The following GSE1 variants were observed in gnomAD, a reference collection of about 807,000 sequenced individuals.
The protein encoded by GSE1 is Gse1 coiled-coil protein, also known as genetic suppressor element 1.
A neutral mutation model predicts 112.6 loss-of-function variants in GSE1; 32 were observed. That is an observed-to-expected ratio of 0.28 (90% CI 0.21 to 0.38). The LOEUF (loss-of-function observed/expected upper bound fraction) is 0.38, where lower values mean the gene tolerates loss of function less well. GSE1 is among the 10% of genes least tolerant of loss of function. GSE1 has a pLI of 1.00. For synonymous variants in GSE1, 1,115 were observed against 735.6 expected, an observed-to-expected ratio of 1.52 and a Z score of -8.35; for missense variants, 2,348 against 1,699.2, an observed-to-expected ratio of 1.38 and a Z score of -6.71.
intron 1 of GSE1, among the ~76,000 whole-genome samples, chr16:85,346,593 G>T (rs923200183): frequency 2.2e-4 from 30 of 138,640 alleles, no homozygotes; most frequent in Non-Finnish European, 4.8e-5. Flanking sequence ...GTGATGGTGG[G>T]CAGATGGGTG....
chr16:85,252,494 G>A (rs1379437254), intron 1 of GSE1, among the ~76,000 whole-genome samples: 1 of 152,246 alleles, frequency 6.6e-6, no homozygotes, highest in African/African-American at 2.4e-5. Flanking sequence ...GAGCCCCTTG[G>A]GCACACCCAA....
At chr16:85,264,507 C>T (rs1472350683) in intron 1 of GSE1, among the ~76,000 whole-genome samples, 2 of 152,166 alleles carry the variant, frequency 1.3e-5, no homozygotes, top group Non-Finnish European at 2.9e-5. Flanking sequence ...GGCCGACTCT[C>T]CTCTGCACCT....
rs772458589 is a variant in GSE1 at position 85,655,956 on chromosome 16, C to T, written c.989+39C>T. On this transcript the variant is annotated intron_variant, in intron 6 of 15. Transcript: ENST00000253458. ...GAGCCGAGGAGCCCCTCTGCCCTCCCTGTCCCTTGATGGCAGCTGGGCAGA... is the reference window on the plus strand; with the variant it reads ...GAGCCGAGGAGCCCCTCTGCCCTCCTTGTCCCTTGATGGCAGCTGGGCAGA... 5.9e-6 allele frequency: 9 copies of T among 1,517,152 alleles called. No individual in the cohort carries two copies. The Middle Eastern group carries it at 7.3e-4, about 123-fold the overall frequency. The allele number at this position is 1,517,152 out of a possible 1,614,324, so 94.0% of individuals were successfully genotyped here.
Position 85,654,436 on chromosome 16 carries a change from C to T in GSE1, c.585C>T (p.Arg195=), listed in dbSNP as rs201470631. The change falls in exon 4 of 16, where the codon CGC becomes CGT. Residue 195 remains arginine (R), a synonymous_variant. Transcript: ENST00000253458. ...CCAGCTCAGTTGTGCAGGATTCCCGCTTCCCGCCACTCAAGTAAGTTGGTC... is the reference window on the plus strand; with the variant it reads ...CCAGCTCAGTTGTGCAGGATTCCCGTTTCCCGCCACTCAAGTAAGTTGGTC... ...LSPSSVVQDS[R]FPPLNLQRPV... The T allele has an allele frequency of 6.4e-7, 1 of 1,563,278 alleles. No homozygotes were observed. The highest frequency in any genetic ancestry group is 8.7e-7 in the Non-Finnish European group (1 of 1,152,936).
Position 85,390,423 on chromosome 16 carries a change from G to A in GSE1, c.2464+32780G>A, listed in dbSNP as rs78223580. Among the ~76,000 whole-genome samples, 787 of 152,226 alleles carry A rather than the reference G, an allele frequency of 5.2e-3. 5 individuals carry two copies. The highest frequency in any genetic ancestry group is 0.018 in the African/African-American group (756 of 41,520). ...GTGCCCCCCAGGGCTGTGCCTGGCC[G>A]GGGCAGCTAGTCCCCTTTGAGCCCT... is the stretch of plus-strand genomic sequence containing the variant. On this transcript the variant is annotated intron_variant, in intron 2 of 2. Transcript: ENST00000637419.
rs923152991 is a variant in GSE1, at chr16:85,648,565, C to T, written c.240C>T (p.Ser80=). 4 of 1,565,006 alleles carry T rather than the reference C, an allele frequency of 2.6e-6. No individual in the cohort carries two copies. Among genetic ancestry groups the T allele is most frequent in the Non-Finnish European group, 2.6e-6 (3 of 1,154,648 alleles). Reference sequence around the variant, plus strand: ...TCTCCTCCACAGGGTCCTCACTGAGCAGCGAGTCGTCCCCCGTGTCCTCTC... The same window carrying T: ...TCTCCTCCACAGGGTCCTCACTGAGTAGCGAGTCGTCCCCCGTGTCCTCTC... ...QAEEPRGSSL[S]SESSPVSSPA... is the part of the protein sequence containing the mutation. Residue 80 remains serine, a synonymous_variant, in exon 3 of 16, where the codon AGC becomes AGT. Transcript: ENST00000253458.
At chr16:85,194,331 A>G (rs1298593736) in intron 1 of GSE1, among the ~76,000 whole-genome samples, 1 of 152,150 alleles carries the variant, frequency 6.6e-6, no homozygotes, top group African/African-American at 2.4e-5. Context: ...TGGCTTAGGG[A>G]GGCCAGTGGA....
chr16:85,637,746 G>A (rs997685156), intron 2 of GSE1, among the ~76,000 whole-genome samples: 1 of 151,086 alleles, frequency 6.6e-6, no homozygotes, highest in East Asian at 1.9e-4. Context: ...CCTCCTCCCT[G>A]CAGAAAGGGA....
intron 2 of GSE1, among the ~76,000 whole-genome samples, chr16:85,539,690 G>A (rs147332509): frequency 2.6e-5 from 4 of 152,284 alleles, no homozygotes; most frequent in East Asian, 1.9e-4. Flanking sequence ...GACATGTCAC[G>A]TTGAAGGGAA....
chr16:85,642,405 G>A (rs2050516635), intron 2 of GSE1, among the ~76,000 whole-genome samples: 1 of 152,236 alleles, frequency 6.6e-6, no homozygotes, highest in Non-Finnish European at 1.5e-5. Flanking sequence ...GACACACAGG[G>A]TCCCCTGGGT....
chr16:85,456,631 T>TGTGTGTGTGTGTGTGC (rs2049836135), intron 2 of GSE1, among the ~76,000 whole-genome samples: 1 of 141,246 alleles, frequency 7.1e-6, no homozygotes, highest in Non-Finnish European at 1.5e-5. Flanking sequence ...TGTGTGTGTG[T>TGTGTGTGTGTGTGTGC]GTGTGTGTGG....
intron 2 of GSE1, among the ~76,000 whole-genome samples, chr16:85,525,101 C>G (rs553185118): frequency 6.6e-6 from 1 of 152,318 alleles, no homozygotes; most frequent in South Asian, 2.1e-4. Flanking sequence ...CGGGGGGTTT[C>G]GCCAGCCTCC....
intron 2 of GSE1, among the ~76,000 whole-genome samples, chr16:85,389,222 G>A (rs2151641007): frequency 6.6e-6 from 1 of 152,258 alleles, no homozygotes; most frequent in East Asian, 1.9e-4. Flanking sequence ...CACTTTGGGA[G>A]GCCAAGGCGG....
Position 85,661,487 on chromosome 16 carries a change from G to A in GSE1, c.1982G>A (p.Ser661Asn), listed in dbSNP as rs1355155805. The change falls in exon 9 of 16, where the codon AGC becomes AAC. Residue 661 changes from serine to asparagine, a missense_variant. Transcript: ENST00000253458. ...CCGCCGCCACCACGAGAGGGAGGGA[G>A]CCTGGAGCACCAGCCCTTCCTGCCC... ...PPPPPPREGGSLEHQPFLPGP... is the reference protein window; with the variant it reads ...PPPPPPREGGNLEHQPFLPGP... The A allele has an allele frequency of 1.9e-6, 3 of 1,611,812 alleles. No individual in the cohort carries two copies. In the South Asian group the frequency reaches 3.3e-5, roughly 18 times the overall value.
chr16:85,483,869 C>G lies in GSE1; in HGVS notation c.2464+126226C>G, dbSNP rs931315813. On this transcript the variant is annotated intron_variant, in intron 2 of 2. Coordinates refer to the GSE1 transcript ENST00000637419. ...GCTTGCAGTCCTCGGTGTACCGTCC[C>G]CTGCCAGCAGGCCTCTGGGCCCTGC... Among the ~76,000 whole-genome samples the G allele has an allele frequency of 2.6e-5, 4 of 152,232 alleles. No individual in the cohort carries two copies. In the South Asian group the frequency reaches 6.2e-4, roughly 24 times the overall value.
intron 1 of GSE1, among the ~76,000 whole-genome samples, chr16:85,260,906 TA>T (rs778139539): frequency 8.5e-5 from 13 of 152,206 alleles, no homozygotes; most frequent in Non-Finnish European, 1.5e-4. Context: ...AGATGGGGGC[TA>T]AGGACATCTG....
chr16:85,195,679 C>T (rs923793490), intron 1 of GSE1, among the ~76,000 whole-genome samples: 1 of 152,210 alleles, frequency 6.6e-6, no homozygotes, highest in Non-Finnish European at 1.5e-5. Context: ...ACTGCAGCGT[C>T]TTGTGGTCGT....
At chr16:85,264,261 G>A (rs1250798254) in intron 1 of GSE1, among the ~76,000 whole-genome samples, 1 of 152,104 alleles carries the variant, frequency 6.6e-6, no homozygotes, top group Non-Finnish European at 1.5e-5. Flanking sequence ...CACGTCCCTG[G>A]TGTGGAATGT....
At chr16:85,537,901 C>A (rs904204155) in intron 2 of GSE1, among the ~76,000 whole-genome samples, 29 of 152,180 alleles carry the variant, frequency 1.9e-4, no homozygotes, top group African/African-American at 6.5e-4. Flanking sequence ...GAGCCAGGAG[C>A]CATGGATAGC....
Sources: allele counts gnomAD v4.1 joint callset (sites outside exome capture counted in the v4.1 genomes callset), GRCh38; gene constraint gnomAD v4.1.1; transcripts MANE v1.5; gene names NCBI Gene and HGNC (gene_info 2026-07-23, HGNC 2026-07-21).